Variants in CLSTN3 observed in about 807,000 individuals in gnomAD.
CLSTN3 encodes the protein calsyntenin-3.
Under a neutral mutation model 95.9 loss-of-function variants are expected in CLSTN3, and 36 were observed. That is an observed-to-expected ratio of 0.38 (90% CI 0.29 to 0.50). The LOEUF is 0.50. Among genes scored for constraint, CLSTN3 ranks in the 20% least tolerant of loss-of-function variants. The pLI, the probability that CLSTN3 is intolerant of heterozygous loss-of-function variation, is 0.95. For synonymous variants in CLSTN3, 481 were observed against 504.0 expected (o/e 0.95, Z 0.61); for missense variants, 1,084 against 1,268.8 (o/e 0.85, Z 2.21).
rs922150380 is a variant in CLSTN3, at chr12:7,130,484, G to C, written c.-165G>C. ...AGCTACCCAGATTGGGATCTGCCCA[G>C]GCCCGCTTTATGGACTAGTGTGGGC... On this transcript the variant is annotated 5_prime_UTR_variant, in exon 1 of 18. Transcript: ENST00000266546. 10 of 1,522,236 alleles carry C rather than the reference G, an allele frequency of 6.6e-6. No individual in the cohort carries two copies. Among genetic ancestry groups the C allele is most frequent in the Non-Finnish European group, 8.8e-6 (10 of 1,138,486 alleles). 94.3% of individuals were successfully genotyped at this position (1,522,236 alleles called of 1,614,324 possible).
chr12:7,136,950 G>A lies in CLSTN3; in HGVS notation c.1050G>A (p.Gln350=). ...SSLIYWFNGT[Q]AVQVPLGGPS... is the part of the protein sequence containing the mutation. ...TGATCTACTGGTTCAATGGCACCCA[G>A]GCTGTGCAGGTGCCCCTGGGTGGCC... The change falls in exon 7 of 18, where the codon CAG becomes CAA. Residue 350 remains glutamine, a synonymous_variant. Transcript: ENST00000266546. 6.2e-7 allele frequency: 1 copy of A among 1,614,196 alleles called. No homozygotes were observed. Among genetic ancestry groups the A allele is most frequent in the South Asian group, 1.1e-5 (1 of 91,078 alleles).
chr12:7,141,149 T>A lies in CLSTN3; in HGVS notation c.1324-93T>A. 1 of 1,323,720 alleles carries A rather than the reference T, an allele frequency of 7.6e-7. No individual in the cohort carries two copies. Among genetic ancestry groups the A allele is most frequent in the East Asian group, 2.3e-5 (1 of 42,628 alleles). The allele number at this position is 1,323,720 out of a possible 1,614,324, so 82.0% of individuals were successfully genotyped here. ...GGTAGAACTGGGAATAAAGGGACTG[T>A]CCCCTGTCTCCCAGGAGATGGGGCA... On this transcript the variant is annotated intron_variant, in intron 8 of 17. Coordinates refer to ENST00000266546, the MANE Select transcript of CLSTN3 (RefSeq NM_014718.4). This position sits in a 1 kb window ranked among gnomAD's most constrained non-coding sequence, Gnocchi z 4.1.
rs773410195 is a variant in CLSTN3, at chr12:7,136,314, T to C, written c.851T>C (p.Ile284Thr). ...CCACTCTGGAACATTCAGGCCACCA[T>C]AGAGCTGCAGACCAGCCATGTGGCC... ...DEPLWNIQAT[I>T]ELQTSHVAKG... is the part of the protein sequence containing the mutation. The change falls in exon 6 of 18, where the codon ATA (isoleucine) becomes ACA (threonine). Residue 284 changes from isoleucine to threonine, a missense_variant. Coordinates refer to ENST00000266546, the MANE Select transcript of CLSTN3 (RefSeq NM_014718.4). The C allele has an allele frequency of 3.1e-6, 5 of 1,614,074 alleles. No homozygotes were observed. The highest frequency in any genetic ancestry group is 2.2e-5 in the East Asian group (1 of 44,890).
In CLSTN3 at chr12:7,158,364, C is replaced by A; in HGVS notation, c.*283C>A. On this transcript the variant is annotated 3_prime_UTR_variant, in exon 18 of 18. Coordinates refer to ENST00000266546, the MANE Select transcript of CLSTN3 (RefSeq NM_014718.4). Reference sequence around the variant, plus strand: ...CTGGACTTCAGCTGCCTTTCTACCCCCAATGGCAGCTGCCCCCTTAGCACT... The same window carrying A: ...CTGGACTTCAGCTGCCTTTCTACCCACAATGGCAGCTGCCCCCTTAGCACT... 3.1e-6 allele frequency: 1 copy of A among 324,560 alleles called. No individual in the cohort carries two copies. The highest frequency in any genetic ancestry group is 6.1e-5 in the South Asian group (1 of 16,456). 20.1% of individuals were successfully genotyped at this position (324,560 alleles called of 1,614,324 possible). A position where few individuals can be genotyped will look rare whatever the true frequency, so the allele number is the denominator to read the frequency against.
rs1801869 is a variant in CLSTN3, at chr12:7,158,912, G to A, written c.*831G>A. ...GGTGAGGGAGGGGACATATCCTAGG[G>A]TTTTCAAATAAAACAATCAGAAAAA... On this transcript the variant is annotated 3_prime_UTR_variant, in exon 18 of 18. Coordinates refer to ENST00000266546, the MANE Select transcript of CLSTN3 (RefSeq NM_014718.4). The A allele has an allele frequency of 1.3e-5, 2 of 150,702 alleles. No homozygotes were observed. Among genetic ancestry groups the A allele is most frequent in the African/African-American group, 4.9e-5 (2 of 40,838 alleles). The allele number at this position is 150,702 out of a possible 1,614,324, so 9.3% of individuals were successfully genotyped here.
At chr12:7,132,131 G>T (rs1200534130) in intron 1 of CLSTN3, among the ~76,000 whole-genome samples, 1 of 152,170 alleles carries the variant, frequency 6.6e-6, no homozygotes, top group Non-Finnish European at 1.5e-5. Flanking sequence ...AGTCTGATGA[G>T]TCCCGCATCC....
chr12:7,155,349 C>T (rs1939796489), intron 16 of CLSTN3, among the ~76,000 whole-genome samples: 1 of 152,178 alleles, frequency 6.6e-6, no homozygotes, highest in Admixed American at 6.5e-5. Flanking sequence ...TTTTGTCTTT[C>T]CTGTGGTCAT....
At chr12:7,155,732 C>T (rs1015087299) in intron 16 of CLSTN3, among the ~76,000 whole-genome samples, 14 of 152,352 alleles carry the variant, frequency 9.2e-5, no homozygotes, top group African/African-American at 3.1e-4. Context: ...GAACCAGTGT[C>T]GAGGGAGTGT....
rs766133277 is a variant in CLSTN3 at position 7,150,727 on chromosome 12, C to T, written c.2391+38C>T. 3.1e-6 allele frequency: 5 copies of T among 1,602,756 alleles called. 1 individual carries two copies. In the Admixed American group the frequency reaches 5.0e-5, roughly 16 times the overall value. Reference sequence around the variant, plus strand: ...TCTCCTTCCTTCCACAGTTACCCACCCCCAGAAAGGAGCTGAGGTGGCATG... The same window carrying T: ...TCTCCTTCCTTCCACAGTTACCCACTCCCAGAAAGGAGCTGAGGTGGCATG... On this transcript the variant is annotated intron_variant, in intron 15 of 17. Coordinates refer to ENST00000266546, the MANE Select transcript of CLSTN3 (RefSeq NM_014718.4). This position sits in a 1 kb window ranked among gnomAD's most constrained non-coding sequence, Gnocchi z 4.0.
At chr12:7,135,665 C>T in intron 4 of CLSTN3, 130 bp downstream of exon 4, 1 of 1,335,332 alleles carries the variant, frequency 7.5e-7, no homozygotes, top group South Asian at 1.3e-5. Flanking sequence ...CCAAATGGAG[C>T]CTTCTCCTCC....
At position 7,150,653 on chromosome 12, in the gene CLSTN3, G is replaced by T. The variant is rs774941023; in HGVS notation, c.2355G>T (p.Met785Ile). The change falls in exon 15 of 18, where the codon ATG becomes ATT. Residue 785 changes from methionine to isoleucine, a missense_variant. By Grantham distance (10) the Met-to-Ile change is conservative. Coordinates refer to ENST00000266546, the MANE Select transcript of CLSTN3 (RefSeq NM_014718.4). This position sits in a 1 kb window ranked among gnomAD's most constrained non-coding sequence, Gnocchi z 4.0. Reference protein sequence around the residue: ...TRKFRLSCSEMNGRYSSNEFI... With the variant: ...TRKFRLSCSEINGRYSSNEFI... ...AGTTCCGGCTTTCCTGCTCGGAAAT[G>T]AATGGCCGTTACTCCAGCAATGAAT... 2.5e-6 allele frequency: 4 copies of T among 1,614,158 alleles called. No individual in the cohort carries two copies. The highest frequency in any genetic ancestry group is 3.4e-6 in the Non-Finnish European group (4 of 1,179,986).
At chr12:7,143,747 A>G (rs970142995) in intron 12 of CLSTN3, among the ~76,000 whole-genome samples, 2 of 152,172 alleles carry the variant, frequency 1.3e-5, no homozygotes, top group Non-Finnish European at 2.9e-5. Flanking sequence ...GTCACGTACG[A>G]TGGCCTAAGT....
Position 7,133,284 on chromosome 12 carries a change from T to A in CLSTN3, c.187+138T>A. On this transcript the variant is annotated intron_variant, in intron 2 of 17. Coordinates refer to ENST00000266546, the MANE Select transcript of CLSTN3 (RefSeq NM_014718.4). The surrounding 1 kb of genome is among the most constrained non-coding windows in gnomAD (Gnocchi z 4.7). The stretch of plus-strand genomic sequence containing the variant: ...ATAAAAGTGGGCTCAAGGAGGGGAA[T>A]GGTCTCCACTGAAGAATGGAGATTG... The A allele has an allele frequency of 8.0e-6, 8 of 996,084 alleles. No homozygotes were observed. Among genetic ancestry groups the A allele is most frequent in the Non-Finnish European group, 1.0e-5 (7 of 671,978 alleles). 61.7% of individuals were successfully genotyped at this position (996,084 alleles called of 1,614,324 possible).
rs1565656455 is a variant in CLSTN3 at position 7,158,754 on chromosome 12, T to G, written c.*673T>G. Reference sequence around the variant, plus strand: ...GGGGGCCCCGGGTGTACATATATAATGTATATTTTTTCAATGTTGTCGTGA... The same window carrying G: ...GGGGGCCCCGGGTGTACATATATAAGGTATATTTTTTCAATGTTGTCGTGA... On this transcript the variant is annotated 3_prime_UTR_variant, in exon 18 of 18. Transcript: ENST00000266546. The G allele has an allele frequency of 6.6e-6, 1 of 151,104 alleles. No homozygotes were observed. Among genetic ancestry groups the G allele is most frequent in the Non-Finnish European group, 1.5e-5 (1 of 67,962 alleles). 9.4% of individuals were successfully genotyped at this position (151,104 alleles called of 1,614,324 possible).
At chr12:7,142,778 T>TCTTTCTCTCCTTTCC (rs1227247974) in intron 10 of CLSTN3, 91 bp from the exon 11 acceptor site, 2 of 1,089,422 alleles carry the variant, frequency 1.8e-6, no homozygotes, top group Non-Finnish European at 2.7e-6. Flanking sequence ...ACTCTTCTGC[T>TCTTTCTCTCCTTTCC]CTTTCTCTCC....
At chr12:7,154,423 T>C (rs1435027344) in intron 16 of CLSTN3, among the ~76,000 whole-genome samples, 1 of 152,080 alleles carries the variant, frequency 6.6e-6, no homozygotes, top group Admixed American at 6.5e-5. Flanking sequence ...AGAGTTTGCA[T>C]TTGGACCTGA....
At position 7,133,220 on chromosome 12, in the gene CLSTN3, G is replaced by A. The variant is rs1435953035; in HGVS notation, c.187+74G>A. 3.2e-6 allele frequency: 5 copies of A among 1,554,522 alleles called. 1 individual carries two copies. The South Asian group carries it at 5.7e-5, about 18-fold the overall frequency. ...GGTGGGAGGGCCAAGAGCAAGGGAG[G>A]GAGGGAAGGTCCTGGGAGTGATGAG... On this transcript the variant is annotated intron_variant, in intron 2 of 17. Coordinates refer to ENST00000266546, the MANE Select transcript of CLSTN3 (RefSeq NM_014718.4). The surrounding 1 kb of genome is among the most constrained non-coding windows in gnomAD (Gnocchi z 4.7).
intron 16 of CLSTN3, chr12:7,156,613 C>T (rs777994482): frequency 3.1e-5 from 14 of 456,338 alleles, no homozygotes; most frequent in South Asian, 9.3e-5. Context: ...GGGTGTGGGG[C>T]GTGGCAACCT....
chr12:7,130,349 G>C, upstream of CLSTN3: 2 of 1,221,004 alleles, frequency 1.6e-6, no homozygotes, highest in South Asian at 2.0e-5. Context: ...CCCATCAATC[G>C]TTGCCCGGCT....
Sources: gnomAD v4.1 joint callset for allele counts (sites outside exome capture counted in the v4.1 genomes callset) on GRCh38, gnomAD v4.1.1 for gene constraint, Gnocchi (gnomAD v3.1) non-coding constraint, MANE v1.5 for transcripts, NCBI Gene and HGNC (gene_info 2026-07-23, HGNC 2026-07-21) for gene names.